The following SDK1 variants were observed in gnomAD, a reference collection of about 807,000 sequenced individuals.
SDK1 encodes the protein sidekick cell adhesion molecule 1.
In SDK1, 157 loss-of-function variants were observed where a neutral mutation model predicts 245.5. That is an observed-to-expected ratio of 0.64 (90% CI 0.56 to 0.73). The LOEUF (loss-of-function observed/expected upper bound fraction) is 0.73. SDK1 is among the 30% of genes least tolerant of loss of function. SDK1 has a pLI of 0.00. For synonymous variants in SDK1, 1,647 were observed against 1,278.5 expected, an observed-to-expected ratio of 1.29 and a Z score of -6.15; for missense variants, 3,583 against 3,002.3, an observed-to-expected ratio of 1.19 and a Z score of -4.52.
At chr7:3,910,095 A>C (rs1386445027) in intron 5 of SDK1, among the ~76,000 whole-genome samples, 5 of 152,192 alleles carry the variant, frequency 3.3e-5, no homozygotes, top group Admixed American at 3.3e-4. Context: ...AGGGGGAAAA[A>C]GAAAAAGTCC....
intron 1 of SDK1, among the ~76,000 whole-genome samples, chr7:3,528,361 G>T (rs1424566845): frequency 1.3e-5 from 2 of 151,478 alleles, no homozygotes; most frequent in Non-Finnish European, 2.9e-5. Context: ...GGGAGGTGAG[G>T]CTGGGTGTCA....
At chr7:3,638,009 T>G (rs573498921) in intron 2 of SDK1, among the ~76,000 whole-genome samples, 15 of 152,380 alleles carry the variant, frequency 9.8e-5, no homozygotes, top group African/African-American at 3.6e-4. Context: ...GAAATTCTGA[T>G]GTTCTACAGA....
intron 1 of SDK1, among the ~76,000 whole-genome samples, chr7:3,557,933 G>A (rs911689867): frequency 6.6e-6 from 1 of 152,084 alleles, no homozygotes; most frequent in East Asian, 1.9e-4. Flanking sequence ...AAATAGAAAA[G>A]TATGCTTGTA....
chr7:4,044,085 T>G (rs1156588158), intron 17 of SDK1, among the ~76,000 whole-genome samples: 6 of 152,230 alleles, frequency 3.9e-5, no homozygotes, highest in African/African-American at 1.4e-4. Context: ...AACACCTGTT[T>G]ATATGTCATG....
At chr7:4,250,661 T>G (rs1229552199) in intron 44 of SDK1, among the ~76,000 whole-genome samples, 1 of 152,212 alleles carries the variant, frequency 6.6e-6, no homozygotes, top group Non-Finnish European at 1.5e-5. Context: ...TGTATTTTTC[T>G]GTGTAGGGTC....
chr7:3,689,605 A>G (rs2060182), intron 4 of SDK1, among the ~76,000 whole-genome samples: 83,673 of 151,946 alleles, frequency 0.55, 26,771 homozygotes, highest in Non-Finnish European at 0.73. Context: ...CCATCCACCT[A>G]TTACAGACTT....
At chr7:3,637,333 G>A (rs950957042) in intron 2 of SDK1, among the ~76,000 whole-genome samples, 22 of 152,322 alleles carry the variant, frequency 1.4e-4, no homozygotes, top group African/African-American at 4.8e-4. Context: ...CTGGCCTCAA[G>A]TGATCTGCCT....
chr7:4,212,394 C>T (rs1021525010), intron 38 of SDK1, among the ~76,000 whole-genome samples: 3 of 151,746 alleles, frequency 2.0e-5, no homozygotes, highest in Admixed American at 6.6e-5. Flanking sequence ...CATCCCAAAT[C>T]GGAGATGTGA....
intron 4 of SDK1, among the ~76,000 whole-genome samples, chr7:3,808,553 G>A (rs1395212411): frequency 2.0e-5 from 3 of 152,186 alleles, no homozygotes; most frequent in African/African-American, 4.8e-5. Flanking sequence ...TGAGGCAGAA[G>A]AGACATGTGT....
chr7:3,929,477 A>T (rs1779898659), intron 5 of SDK1, among the ~76,000 whole-genome samples: 1 of 152,222 alleles, frequency 6.6e-6, no homozygotes, highest in South Asian at 2.1e-4. Flanking sequence ...TCCTTAACTT[A>T]TAAGGAACCT....
intron 19 of SDK1, among the ~76,000 whole-genome samples, chr7:4,061,889 A>G (rs1030568396): frequency 4.7e-5 from 7 of 149,604 alleles, no homozygotes; most frequent in African/African-American, 1.7e-4. Flanking sequence ...AGAACAAAAA[A>G]CCAAACACGG....
At chr7:3,935,368 C>T (rs1322560230) in intron 5 of SDK1, among the ~76,000 whole-genome samples, 1 of 152,168 alleles carries the variant, frequency 6.6e-6, no homozygotes, top group Non-Finnish European at 1.5e-5. Context: ...ACTAAAAGCA[C>T]AGGCAACAAA....
chr7:3,311,083 G>T (rs558072383), intron 1 of SDK1, among the ~76,000 whole-genome samples: 2 of 152,106 alleles, frequency 1.3e-5, no homozygotes, highest in Non-Finnish European at 2.9e-5. Flanking sequence ...GATGAGTCAC[G>T]GTAGTAGAGT....
At chr7:3,852,750 CAAAAAAAA>C (rs35116493) in intron 5 of SDK1, among the ~76,000 whole-genome samples, 2 of 28,154 alleles carry the variant, frequency 7.1e-5, no homozygotes, top group African/African-American at 1.3e-4. Flanking sequence ...GACTCCGTCT[CAAAAAAAA>C]AAAAAAAAAA....
intron 4 of SDK1, among the ~76,000 whole-genome samples, chr7:3,753,244 C>T (rs6951452): frequency 0.077 from 11,706 of 152,226 alleles, 1,392 homozygotes; most frequent in African/African-American, 0.26. Flanking sequence ...AAACCCTCTT[C>T]ATTTTATGAA....
chr7:3,757,370 A>G (rs979023807), intron 4 of SDK1, among the ~76,000 whole-genome samples: 11 of 151,926 alleles, frequency 7.2e-5, no homozygotes, highest in African/African-American at 2.2e-4. Flanking sequence ...AGTAGCTGGG[A>G]CCTAAGGTGC....
intron 1 of SDK1, among the ~76,000 whole-genome samples, chr7:3,484,598 G>C (rs533789535): frequency 5.3e-5 from 8 of 152,286 alleles, no homozygotes; most frequent in Admixed American, 2.0e-4. Flanking sequence ...TTGAACACTA[G>C]AACTTATTCC....
intron 5 of SDK1, among the ~76,000 whole-genome samples, chr7:3,913,024 C>G (rs1562531868): frequency 6.6e-6 from 1 of 152,188 alleles, no homozygotes; most frequent in African/African-American, 2.4e-5. Context: ...CTTCCCCTCC[C>G]CTTCTAAAGT....
At chr7:3,512,026 G>A (rs551694617) in intron 1 of SDK1, among the ~76,000 whole-genome samples, 1 of 151,276 alleles carries the variant, frequency 6.6e-6, no homozygotes, top group Admixed American at 6.6e-5. Context: ...TACATTCTCT[G>A]GGTGTGGGTG....
Sources: allele counts gnomAD v4.1 joint callset (sites outside exome capture counted in the v4.1 genomes callset), GRCh38; gene constraint gnomAD v4.1.1; transcripts MANE v1.5; gene names NCBI Gene and HGNC (gene_info 2026-07-23, HGNC 2026-07-21).